VPS13A: variants seen among roughly 807,000 people sequenced by gnomAD.
VPS13A encodes the protein vacuolar protein sorting 13 homolog A.
Under a neutral mutation model 390.9 loss-of-function variants are expected in VPS13A, and 264 were observed. The observed-to-expected ratio is 0.68, with a 90% CI of 0.61 to 0.75. The LOEUF (loss-of-function observed/expected upper bound fraction) is 0.75, where lower values mean the gene tolerates loss of function less well. Among genes scored for constraint, VPS13A ranks in the 30% least tolerant of loss-of-function variants. VPS13A has a pLI of 0.00. For missense variants in VPS13A, 3,409 were observed against 3,733.9 expected, an observed-to-expected ratio of 0.91 and a Z score of 2.27; for synonymous variants, 1,231 against 1,227.1, an observed-to-expected ratio of 1.00 and a Z score of -0.07.
In VPS13A at chr9:77,381,988, T is replaced by C. The variant is rs766693414; in HGVS notation, c.9090T>C (p.Thr3030=). 2.4e-5 allele frequency: 39 copies of C among 1,604,920 alleles called. No individual in the cohort carries two copies. The highest frequency in any genetic ancestry group is 3.1e-5 in the Non-Finnish European group (36 of 1,174,966). Residue 3030 remains threonine, a synonymous_variant, in exon 68 of 72, where the codon ACT becomes ACC. Transcript: ENST00000360280. ...TTTTTTCCTCTAGAGCTACAGAGAC[T>C]TCTGAAGTGGAGAGTCTGCGACCTC... ...TFQGIKRATE[T]SEVESLRPPR...
chr9:77,410,348 A>G (rs1372936826), intron 71 of VPS13A, among the ~76,000 whole-genome samples: 1 of 152,228 alleles, frequency 6.6e-6, no homozygotes, highest in Non-Finnish European at 1.5e-5. Flanking sequence ...AACATGCCAA[A>G]TTGTAAAGAC....
At chr9:77,297,164 C>T (rs1352329966) in intron 33 of VPS13A, among the ~76,000 whole-genome samples, 1 of 151,458 alleles carries the variant, frequency 6.6e-6, no homozygotes, top group African/African-American at 2.4e-5. Flanking sequence ...TTCAATTTTG[C>T]TCTTTTTATA....
chr9:77,205,366 G>A lies in VPS13A; in HGVS notation c.241G>A (p.Ala81Thr). ...AAACCTTTATACTCAACCTGTTGAA[G>A]CCGTATTGGAAGAAATTTATTTACT... The part of the protein sequence containing the change: ...WKNLYTQPVE[A>T]VLEEIYLLIV... The change falls in exon 4 of 72, where the codon GCC becomes ACC. Residue 81 changes from alanine to threonine, a missense_variant. This residue lies in a region of VPS13A where 2,717 missense variants were observed against 2,917.4 expected (regional missense o/e 0.93). Transcript: ENST00000360280. The A allele has an allele frequency of 6.7e-7, 1 of 1,490,538 alleles. No homozygotes were observed. Among genetic ancestry groups the A allele is most frequent in the Non-Finnish European group, 9.0e-7 (1 of 1,113,670 alleles). 92.3% of individuals were successfully genotyped at this position (1,490,538 alleles called of 1,614,324 possible). A position where few individuals can be genotyped will look rare whatever the true frequency, so the allele number is the denominator to read the frequency against.
chr9:77,271,740 T>G (rs747780716), intron 23 of VPS13A, among the ~76,000 whole-genome samples: 3 of 152,162 alleles, frequency 2.0e-5, no homozygotes, highest in Non-Finnish European at 4.4e-5. Flanking sequence ...GGCAATTCAT[T>G]TAAGAACTTA....
chr9:77,193,593 C>A (rs1254767265), intron 1 of VPS13A, among the ~76,000 whole-genome samples: 1 of 152,144 alleles, frequency 6.6e-6, no homozygotes, highest in African/African-American at 2.4e-5. Context: ...GAGATCATGC[C>A]ACTGCACTCC....
intron 61 of VPS13A, 77 bp downstream of exon 61, chr9:77,366,949 A>C: frequency 6.7e-7 from 1 of 1,490,372 alleles, no homozygotes; most frequent in African/African-American, 1.4e-5. Flanking sequence ...CGTAAATGAA[A>C]AAGTGTGTGA....
At chr9:77,350,239 A>G (rs185540830) in intron 52 of VPS13A, among the ~76,000 whole-genome samples, 55 of 152,286 alleles carry the variant, frequency 3.6e-4, no homozygotes, top group African/African-American at 1.3e-3. Flanking sequence ...ATAATTTGGT[A>G]TGTTTTCAAA....
chr9:77,201,935 G>C (rs987650794), intron 3 of VPS13A, among the ~76,000 whole-genome samples: 5 of 152,096 alleles, frequency 3.3e-5, no homozygotes, highest in Admixed American at 3.3e-4. Flanking sequence ...ATTGGAATTT[G>C]AGGTTTTAAC....
intron 21 of VPS13A, among the ~76,000 whole-genome samples, chr9:77,251,487 A>C (rs113708475): frequency 2.0e-5 from 3 of 152,178 alleles, no homozygotes; most frequent in Admixed American, 2.0e-4. Flanking sequence ...ATTTTGTTGC[A>C]CATCCTTTTA....
At chr9:77,195,425 A>G (rs765006506) in intron 1 of VPS13A, among the ~76,000 whole-genome samples, 60 of 151,722 alleles carry the variant, frequency 4.0e-4, no homozygotes, top group Non-Finnish European at 6.0e-4. Context: ...TGCCCAACCT[A>G]TTGATCTTTT....
intron 71 of VPS13A, among the ~76,000 whole-genome samples, chr9:77,412,000 T>A (rs574072166): frequency 6.6e-6 from 1 of 151,880 alleles, no homozygotes; most frequent in Non-Finnish European, 1.5e-5. Context: ...CTAGAAGAAA[T>A]GGATAAATTC....
chr9:77,407,379 A>ATTC (rs1300889138), intron 70 of VPS13A, among the ~76,000 whole-genome samples, 154 bp from the exon 71 acceptor site: 1 of 152,058 alleles, frequency 6.6e-6, no homozygotes, highest in African/African-American at 2.4e-5. Context: ...ATTGGTTTTG[A>ATTC]TTCTTCTTGC....
At chr9:77,363,046 C>G (rs1832228405) in intron 59 of VPS13A, among the ~76,000 whole-genome samples, 1 of 152,076 alleles carries the variant, frequency 6.6e-6, no homozygotes, top group South Asian at 2.1e-4. Flanking sequence ...ATCGTGTCAT[C>G]TGAGAGGAGA....
intron 26 of VPS13A, among the ~76,000 whole-genome samples, chr9:77,278,084 T>A (rs1464849539): frequency 6.6e-6 from 1 of 151,934 alleles, no homozygotes; most frequent in Non-Finnish European, 1.5e-5. Flanking sequence ...TTATTTTTAT[T>A]TTTTGAGATG....
In VPS13A at chr9:77,417,250, T is replaced by C. The variant is rs1235232272; in HGVS notation, c.*1244T>C. ...CATGTTGTATGTGCCACCAAGTTACTATTAACTGTTTTTGGAATTGAAGAC... is the reference window on the plus strand; with the variant it reads ...CATGTTGTATGTGCCACCAAGTTACCATTAACTGTTTTTGGAATTGAAGAC... On this transcript the variant is annotated 3_prime_UTR_variant, in exon 72 of 72. Coordinates refer to ENST00000360280, the MANE Select transcript of VPS13A (RefSeq NM_033305.3). The C allele has an allele frequency of 2.0e-5, 3 of 152,198 alleles. No individual in the cohort carries two copies. The highest frequency in any genetic ancestry group is 4.4e-5 in the Non-Finnish European group (3 of 68,022). The allele number at this position is 152,198 out of a possible 1,614,324, so 9.4% of individuals were successfully genotyped here. A position where few individuals can be genotyped will look rare whatever the true frequency, so the allele number is the denominator to read the frequency against.
At chr9:77,358,974 G>A (rs1279872743) in intron 57 of VPS13A, among the ~76,000 whole-genome samples, 4 of 152,040 alleles carry the variant, frequency 2.6e-5, no homozygotes, top group African/African-American at 4.8e-5. Flanking sequence ...CCTGGGGGGA[G>A]TACTCTTTAT....
At chr9:77,351,172 A>T in intron 52 of VPS13A, 145 bp from the exon 53 acceptor site, 1 of 1,022,550 alleles carries the variant, frequency 9.8e-7, no homozygotes, top group Non-Finnish European at 1.4e-6. Context: ...TTTTAATTGT[A>T]TAAGGTAAGA....
chr9:77,207,689 G>A (rs1004388922), intron 5 of VPS13A, among the ~76,000 whole-genome samples: 2 of 152,066 alleles, frequency 1.3e-5, no homozygotes, highest in Admixed American at 1.3e-4. Flanking sequence ...GGAAAGGGAT[G>A]TTGCTTGGAT....
chr9:77,369,517 A>C (rs1167288130), intron 63 of VPS13A, 105 bp downstream of exon 63: 1 of 816,090 alleles, frequency 1.2e-6, no homozygotes, highest in Non-Finnish European at 2.1e-6. Context: ...CAGATTTTGG[A>C]ACACACACAA....
Sources: allele counts gnomAD v4.1 joint callset (sites outside exome capture counted in the v4.1 genomes callset), GRCh38; gene constraint gnomAD v4.1.1; regional missense constraint gnomAD v4.1.1; transcripts MANE v1.5; gene names NCBI Gene and HGNC (gene_info 2026-07-23, HGNC 2026-07-21).